UTRN: variants seen among roughly 807,000 people sequenced by gnomAD.
UTRN encodes dystrophin-related protein 1.
UTRN carries 283 observed loss-of-function variants against 463.9 expected under a neutral mutation model. The observed-to-expected ratio is 0.61, with a 90% CI of 0.55 to 0.67. The LOEUF (loss-of-function observed/expected upper bound fraction) is 0.67. Among genes scored for constraint, UTRN ranks in the 30% least tolerant of loss-of-function variants. The pLI is 0.00. For synonymous variants in UTRN, 1,442 were observed against 1,431.5 expected, an observed-to-expected ratio of 1.01 and a Z score of -0.17; for missense variants, 3,922 against 4,084.3, an observed-to-expected ratio of 0.96 and a Z score of 1.08.
rs1263677678 is a variant in UTRN, at chr6:144,678,526, G to A, written c.7600G>A (p.Asp2534Asn). Reference protein sequence around the residue: ...EEATMLQHRLDDMNQRWNDLK... With the variant: ...EEATMLQHRLNDMNQRWNDLK... ...GGCTACTATGCTTCAACATCGACTGGATGATATGAACCAAAGATGGAATGA... is the reference window on the plus strand; with the variant it reads ...GGCTACTATGCTTCAACATCGACTGAATGATATGAACCAAAGATGGAATGA... The change falls in exon 52 of 75, where the codon GAT (aspartate) becomes AAT (asparagine). Residue 2534 changes from aspartate to asparagine, a missense_variant. Around this residue, in one of 3 missense-constraint regions of UTRN, gnomAD observed 1,309 missense variants for 1,452.6 expected, o/e 0.90. Transcript: ENST00000367545. The A allele has an allele frequency of 6.2e-7, 1 of 1,612,706 alleles. No homozygotes were observed. The highest frequency in any genetic ancestry group is 8.5e-7 in the Non-Finnish European group (1 of 1,179,242).
chr6:144,492,877 T>C (rs1175552114), intron 32 of UTRN, among the ~76,000 whole-genome samples: 1 of 152,218 alleles, frequency 6.6e-6, no homozygotes, highest in Non-Finnish European at 1.5e-5. Context: ...GAAATAAATG[T>C]TAATAATTCC....
chr6:144,611,396 G>T (rs146181294), intron 51 of UTRN, among the ~76,000 whole-genome samples: 1 of 152,164 alleles, frequency 6.6e-6, no homozygotes, highest in Admixed American at 6.6e-5. Context: ...GAAATTAAAG[G>T]CATTCTTACA....
chr6:144,807,579 T>C (rs1468214632), intron 65 of UTRN, among the ~76,000 whole-genome samples: 1 of 152,150 alleles, frequency 6.6e-6, no homozygotes, highest in African/African-American at 2.4e-5. Flanking sequence ...ATTTAATGCC[T>C]GTCATCATTC....
At chr6:144,838,213 T>C (rs1339452231) in intron 71 of UTRN, among the ~76,000 whole-genome samples, 1 of 152,168 alleles carries the variant, frequency 6.6e-6, no homozygotes, top group African/African-American at 2.4e-5. Context: ...CCCTACTCCC[T>C]CCATCCCATT....
At chr6:144,710,839 A>G (rs1785606453) in intron 53 of UTRN, among the ~76,000 whole-genome samples, 1 of 152,222 alleles carries the variant, frequency 6.6e-6, no homozygotes. Context: ...CAACAGAACT[A>G]GCTTTCAATT....
chr6:144,797,031 GC>G (rs1777281544), intron 63 of UTRN, among the ~76,000 whole-genome samples: 1 of 152,084 alleles, frequency 6.6e-6, no homozygotes, highest in Admixed American at 6.5e-5. Flanking sequence ...GATAAATTCT[GC>G]AAAGTACATC....
intron 51 of UTRN, among the ~76,000 whole-genome samples, chr6:144,639,104 A>G (rs1777508408): frequency 6.6e-6 from 1 of 152,108 alleles, no homozygotes; most frequent in South Asian, 2.1e-4. Flanking sequence ...ATAAAAGAAA[A>G]GGAAGGCAAT....
intron 31 of UTRN, 68 bp from the exon 32 acceptor site, chr6:144,490,861 C>T: frequency 6.8e-7 from 1 of 1,470,150 alleles, no homozygotes; most frequent in African/African-American, 1.4e-5. Flanking sequence ...TTAGTAGTAT[C>T]TGTTATGCTC....
At chr6:144,682,911 G>A (rs943170387) in intron 52 of UTRN, among the ~76,000 whole-genome samples, 1 of 151,926 alleles carries the variant, frequency 6.6e-6, no homozygotes, top group Admixed American at 6.6e-5. Flanking sequence ...CTCTTTGTTT[G>A]GCACTAATTT....
At chr6:144,328,312 G>A (rs1007562539) in intron 2 of UTRN, among the ~76,000 whole-genome samples, 1 of 152,026 alleles carries the variant, frequency 6.6e-6, no homozygotes, top group South Asian at 2.1e-4. Flanking sequence ...GGCTTATCTA[G>A]CATCTTAACA....
rs1466680091 is a variant in UTRN at position 144,487,667 on chromosome 6, C to T, written c.3942C>T (p.Phe1314=). The T allele has an allele frequency of 1.2e-6, 2 of 1,612,180 alleles. No individual in the cohort carries two copies. Among genetic ancestry groups the T allele is most frequent in the East Asian group, 2.2e-5 (1 of 44,820 alleles). Residue 1314 remains phenylalanine, a synonymous_variant, in exon 29 of 75, where the codon TTC becomes TTT. Transcript: ENST00000367545. ...DDIISEKLEA[F]NSRYEDLSHL... Reference sequence around the variant, plus strand: ...TAATCAGTGAGAAACTGGAGGCTTTCAACAGCCGATATGAAGATCTAAGTC... The same window carrying T: ...TAATCAGTGAGAAACTGGAGGCTTTTAACAGCCGATATGAAGATCTAAGTC...
chr6:144,686,107 C>T (rs188173773), intron 52 of UTRN, among the ~76,000 whole-genome samples: 138 of 152,160 alleles, frequency 9.1e-4, no homozygotes, highest in Non-Finnish European at 1.5e-3. Flanking sequence ...TTTCATTCTT[C>T]CACATGTGAC....
intron 23 of UTRN, among the ~76,000 whole-genome samples, chr6:144,467,352 G>C (rs1319133907): frequency 2.0e-5 from 3 of 152,142 alleles, no homozygotes; most frequent in Non-Finnish European, 4.4e-5. Context: ...CCCATCTCAG[G>C]CCGTCTTTTA....
At chr6:144,724,691 T>C (rs1787657452) in intron 53 of UTRN, among the ~76,000 whole-genome samples, 1 of 152,162 alleles carries the variant, frequency 6.6e-6, no homozygotes, top group South Asian at 2.1e-4. Flanking sequence ...TCTTACACTA[T>C]GCCCTTTCAT....
intron 11 of UTRN, 41 bp from the exon 12 acceptor site, chr6:144,438,704 G>T (rs1175573986): frequency 6.2e-7 from 1 of 1,609,012 alleles, no homozygotes. Context: ...TTTGCAAAGG[G>T]AAAAGGCTTG....
Position 144,708,280 on chromosome 6 carries a change from G to C in UTRN, c.7809+8037G>C, listed in dbSNP as rs1194478328. On this transcript the variant is annotated intron_variant, in intron 53 of 74. Coordinates refer to ENST00000367545, the MANE Select transcript of UTRN (RefSeq NM_007124.3). Reference sequence around the variant, plus strand: ...CAATACTTGGAATTGCAATAGAGTTGTAAGTACTGATTCTTTTACAAGACC... The same window carrying C: ...CAATACTTGGAATTGCAATAGAGTTCTAAGTACTGATTCTTTTACAAGACC... The C allele has an allele frequency of 4.5e-6, 3 of 661,104 alleles. No homozygotes were observed. The East Asian group carries it at 9.1e-5, about 20-fold the overall frequency. 41.0% of individuals were successfully genotyped at this position (661,104 alleles called of 1,614,324 possible). A position where few individuals can be genotyped will look rare whatever the true frequency, so the allele number is the denominator to read the frequency against.
intron 2 of UTRN, among the ~76,000 whole-genome samples, chr6:144,345,429 C>T (rs1777484215): frequency 6.6e-6 from 1 of 152,132 alleles, no homozygotes; most frequent in Admixed American, 6.6e-5. Context: ...AATCCAAGCA[C>T]TTTGGGAGGC....
chr6:144,447,630 G>A lies in UTRN; in HGVS notation c.1751G>A (p.Arg584His), dbSNP rs368046583. ...TTGAAGGAAGACATGGAAATGAAGC[G>A]TCAAACATTGGATCAGCTGAGTGAG... is the stretch of plus-strand genomic sequence containing the variant. ...AILKEDMEMK[R>H]QTLDQLSEIG... The change falls in exon 16 of 75, where the codon CGT becomes CAT. Residue 584 changes from arginine to histidine, a missense_variant. Physicochemically the swap from Arg to His is conservative, Grantham distance 29 (BLOSUM62 0). Transcript: ENST00000367545. 53 of 1,613,504 alleles carry A rather than the reference G, an allele frequency of 3.3e-5. No homozygotes were observed. The highest frequency in any genetic ancestry group is 1.1e-4 in the South Asian group (10 of 90,866).
intron 51 of UTRN, among the ~76,000 whole-genome samples, chr6:144,630,204 A>G (rs1776368169): frequency 6.6e-6 from 1 of 152,182 alleles, no homozygotes; most frequent in African/African-American, 2.4e-5. Context: ...TAAATAAAAA[A>G]TGAAGTGGCA....
Sources: allele counts gnomAD v4.1 joint callset (sites outside exome capture counted in the v4.1 genomes callset), GRCh38; gene constraint gnomAD v4.1.1; regional missense constraint gnomAD v4.1.1; transcripts MANE v1.5; gene names NCBI Gene and HGNC (gene_info 2026-07-23, HGNC 2026-07-21).